CPEB1: variants seen among roughly 807,000 people sequenced by gnomAD.
The protein encoded by CPEB1 is cytoplasmic polyadenylation element binding protein 1, also known as cytoplasmic polyadenylation element-binding protein 1.
In CPEB1, 7 loss-of-function variants were observed where a neutral mutation model predicts 65.8. That is an observed-to-expected ratio of 0.11 (90% CI 0.06 to 0.20). The LOEUF is 0.20. Ranked by LOEUF, CPEB1 falls within the 10% of genes least tolerant of loss-of-function variation. The probability of loss-of-function intolerance (pLI) is 1.00; values close to 1 mark genes in which losing one functional copy is unlikely to be tolerated. For missense variants in CPEB1, 551 were observed against 712.2 expected, an observed-to-expected ratio of 0.77 and a Z score of 2.58; for synonymous variants, 262 against 260.0, an observed-to-expected ratio of 1.01 and a Z score of -0.08.
At chr15:82,635,876 C>G (rs2046618294) in intron 1 of CPEB1, among the ~76,000 whole-genome samples, 2 of 152,128 alleles carry the variant, frequency 1.3e-5, no homozygotes. Context: ...ACACAGAGAA[C>G]AAGCACAGAG....
chr15:82,614,022 C>T (rs762142401), intron 3 of CPEB1, among the ~76,000 whole-genome samples: 1 of 152,078 alleles, frequency 6.6e-6, no homozygotes, highest in Non-Finnish European at 1.5e-5. Flanking sequence ...TGGGGAAGCC[C>T]ACCGGGAGAG....
chr15:82,555,859 G>A lies in CPEB1; in HGVS notation c.940+11C>T, dbSNP rs527659141. 6.2e-7 allele frequency: 1 copy of A among 1,606,524 alleles called. No homozygotes were observed. Among genetic ancestry groups the A allele is most frequent in the Non-Finnish European group, 8.5e-7 (1 of 1,177,714 alleles). ...GGCCTCAGGCCTCACACATGCTCAA[G>A]GCACACTCACCTGCAGCTTGTCGGT... On this transcript the variant is annotated intron_variant, in intron 6 of 12. Coordinates refer to ENST00000684509, the MANE Select transcript of CPEB1 (RefSeq NM_001365242.1).
chr15:82,567,614 C>T (rs868248533), intron 4 of CPEB1, among the ~76,000 whole-genome samples: 5 of 150,564 alleles, frequency 3.3e-5, no homozygotes, highest in Admixed American at 6.6e-5. Flanking sequence ...CCAGCTTGGT[C>T]GACAGAGTGA....
intron 3 of CPEB1, among the ~76,000 whole-genome samples, chr15:82,589,903 T>C (rs2042087190): frequency 6.6e-6 from 1 of 152,116 alleles, no homozygotes; most frequent in South Asian, 2.1e-4. Flanking sequence ...GTATAAGTAA[T>C]CTAGAGATAA....
chr15:82,629,068 G>C (rs547219581), intron 1 of CPEB1: 1 of 164,784 alleles, frequency 6.1e-6, no homozygotes, highest in African/African-American at 2.4e-5. Flanking sequence ...AAAAACCAAT[G>C]AACTGTACAT....
At chr15:82,566,163 C>A (rs1018333413) in intron 4 of CPEB1, among the ~76,000 whole-genome samples, 3 of 152,160 alleles carry the variant, frequency 2.0e-5, no homozygotes, top group African/African-American at 7.2e-5. Context: ...GCAGCATTAG[C>A]AATGGCAACA....
chr15:82,552,728 A>G, intron 8 of CPEB1, 112 bp from the exon 9 acceptor site: 2 of 1,239,300 alleles, frequency 1.6e-6, no homozygotes, highest in South Asian at 2.7e-5. Flanking sequence ...TGTATAAGAT[A>G]CATTTTTGTT....
chr15:82,620,329 GGA>G (rs1555460152), intron 3 of CPEB1, among the ~76,000 whole-genome samples: 1 of 140,930 alleles, frequency 7.1e-6, no homozygotes, highest in Non-Finnish European at 1.6e-5. Flanking sequence ...GGAGGCTGAG[GGA>G]GAAGAATCCC....
intron 1 of CPEB1, among the ~76,000 whole-genome samples, chr15:82,645,507 C>T (rs992176446): frequency 6.6e-6 from 1 of 151,946 alleles, no homozygotes; most frequent in Non-Finnish European, 1.5e-5. Context: ...CTTCCAAATC[C>T]TACTTCTATA....
intron 1 of CPEB1, among the ~76,000 whole-genome samples, chr15:82,639,936 G>A (rs2046972652): frequency 6.6e-6 from 1 of 151,932 alleles, no homozygotes; most frequent in Admixed American, 6.6e-5. Flanking sequence ...CAGTTGTAGG[G>A]GAATTAAACT....
intron 1 of CPEB1, among the ~76,000 whole-genome samples, chr15:82,632,358 T>C (rs2046333292): frequency 6.6e-6 from 1 of 152,182 alleles, no homozygotes; most frequent in Non-Finnish European, 1.5e-5. Context: ...AGTAATTCTG[T>C]ACATGAAATT....
rs1463150729 is a variant in CPEB1, at chr15:82,628,546, A to G, written c.-87T>C. On this transcript the variant is annotated 5_prime_UTR_variant, in exon 2 of 13. Transcript: ENST00000684509. ...TACAATACAGACCCTTCTATTACACAGGCACTGAAACTAACGCAAATGGTG... is the reference window on the plus strand; with the variant it reads ...TACAATACAGACCCTTCTATTACACGGGCACTGAAACTAACGCAAATGGTG... 1 of 662,268 alleles carries G rather than the reference A, an allele frequency of 1.5e-6. No individual in the cohort carries two copies. The highest frequency in any genetic ancestry group is 2.7e-6 in the Non-Finnish European group (1 of 368,476). The allele number at this position is 662,268 out of a possible 1,614,324, so 41.0% of individuals were successfully genotyped here.
At chr15:82,595,515 T>C (rs185207368) in intron 3 of CPEB1, among the ~76,000 whole-genome samples, 4 of 152,304 alleles carry the variant, frequency 2.6e-5, no homozygotes, top group East Asian at 1.9e-4. Context: ...TGTTCAAAGA[T>C]TGGACCATCT....
At chr15:82,645,824 C>T (rs908825551) in intron 1 of CPEB1, among the ~76,000 whole-genome samples, 16 of 151,982 alleles carry the variant, frequency 1.1e-4, no homozygotes, top group Non-Finnish European at 5.9e-5. Context: ...GCCAAGATCG[C>T]GAGACTGCAT....
chr15:82,593,310 G>C (rs552231990), intron 3 of CPEB1, among the ~76,000 whole-genome samples: 56 of 152,196 alleles, frequency 3.7e-4, no homozygotes, highest in Non-Finnish European at 6.5e-4. Context: ...ACTTTATGTG[G>C]AAATTCTAAA....
intron 10 of CPEB1, 52 bp from the exon 11 acceptor site, chr15:82,547,289 CTT>C (rs71156035): frequency 0.1 from 39,324 of 379,240 alleles, no homozygotes; most frequent in East Asian, 0.14. Context: ...CCAAATGCTA[CTT>C]TTTTTTTTTT....
intron 3 of CPEB1, among the ~76,000 whole-genome samples, chr15:82,597,751 T>A (rs569225618): frequency 7.9e-5 from 12 of 152,342 alleles, no homozygotes; most frequent in Admixed American, 1.3e-4. Context: ...TAACATTTTT[T>A]AATTTCTTTT....
At chr15:82,645,339 G>A (rs753673067) in intron 1 of CPEB1, among the ~76,000 whole-genome samples, 6 of 152,016 alleles carry the variant, frequency 3.9e-5, no homozygotes, top group African/African-American at 4.8e-5. Flanking sequence ...TTTTAGGAGA[G>A]ACGGGAATTC....
rs540047333 is a variant in CPEB1 at position 82,620,678 on chromosome 15, T to C, written c.271+6515A>G. Among the ~76,000 whole-genome samples the C allele has an allele frequency of 1.6e-4, 25 of 152,162 alleles. No individual in the cohort carries two copies. In the East Asian group the frequency reaches 3.1e-3, roughly 19 times the overall value. On this transcript the variant is annotated intron_variant, in intron 3 of 12. Coordinates refer to ENST00000684509, the MANE Select transcript of CPEB1 (RefSeq NM_001365242.1). ...ATTAGTTGGGCATGGTGGCGCATGA[T>C]TGCAGTCCCATCTACTCAGAAGGCT...
Sources: gnomAD v4.1 joint callset for allele counts (sites outside exome capture counted in the v4.1 genomes callset) on GRCh38, gnomAD v4.1.1 for gene constraint, MANE v1.5 for transcripts, NCBI Gene and HGNC (gene_info 2026-07-23, HGNC 2026-07-21) for gene names.